The following HDAC2 variants were observed in gnomAD, a reference collection of about 807,000 sequenced individuals.
HDAC2 encodes YY1-associated factor 1.
A neutral mutation model predicts 68.5 loss-of-function variants in HDAC2; 5 were observed. The observed-to-expected ratio is 0.07, with a 90% CI of 0.04 to 0.15. HDAC2 has a LOEUF of 0.15. Ranked by LOEUF, HDAC2 falls within the 10% of genes least tolerant of loss-of-function variation. HDAC2 has a pLI of 1.00. For missense variants in HDAC2, 291 were observed against 600.8 expected (o/e 0.48, Z 5.39); for synonymous variants, 182 against 191.3 (o/e 0.95, Z 0.40).
rs749048358 is a variant in HDAC2 at position 113,941,675 on chromosome 6, T to C, written c.1436+33A>G. The C allele has an allele frequency of 4.1e-4, 370 of 899,404 alleles. 4 individuals are homozygous for C. The highest frequency in any genetic ancestry group is 1.0e-4 in the Non-Finnish European group (58 of 582,898). 55.7% of individuals were successfully genotyped at this position (899,404 alleles called of 1,614,324 possible). A position where few individuals can be genotyped will look rare whatever the true frequency, so the allele number is the denominator to read the frequency against. ...AAACATGTTTAGTATTTTTATAGTA[T>C]GTAAAAAGTACTTGATAAGGAACAT... On this transcript the variant is annotated intron_variant, in intron 13 of 13. Coordinates refer to ENST00000519065, the MANE Select transcript of HDAC2 (RefSeq NM_001527.4).
intron 6 of HDAC2, among the ~76,000 whole-genome samples, chr6:113,950,580 G>A (rs1465277039): frequency 3.3e-5 from 5 of 151,480 alleles, no homozygotes; most frequent in African/African-American, 7.3e-5. Flanking sequence ...ATTTTAAGTA[G>A]AGACGGGGTT....
At chr6:113,962,081 T>A (rs1376162934) in intron 1 of HDAC2, among the ~76,000 whole-genome samples, 1 of 151,492 alleles carries the variant, frequency 6.6e-6, no homozygotes, top group Non-Finnish European at 1.5e-5. Context: ...TGAGCAAGTG[T>A]GTTTGAAAAA....
intron 1 of HDAC2, among the ~76,000 whole-genome samples, chr6:113,969,145 A>G (rs1314559380): frequency 6.6e-6 from 1 of 152,250 alleles, no homozygotes; most frequent in Non-Finnish European, 1.5e-5. Flanking sequence ...TGCAATGTAA[A>G]TCATGTTGAA....
In HDAC2 at chr6:113,961,042, C is replaced by A. The variant is rs138702225; in HGVS notation, c.53-1024G>T. 3.3e-3 allele frequency among the ~76,000 whole-genome samples: 496 copies of A among 152,106 alleles called. 2 individuals carry two copies. The highest frequency in any genetic ancestry group is 0.012 in the African/African-American group (479 of 41,520). The stretch of plus-strand genomic sequence containing the variant: ...ACATAGGTTATATGCAAATACTATA[C>A]CAGTTTATTGAAGGAACTTAAACAC... On this transcript the variant is annotated intron_variant, in intron 1 of 13. Transcript: ENST00000519065.
Position 113,971,044 on chromosome 6 carries a change from C to A in HDAC2, c.-136G>T, listed in dbSNP as rs773128136. On this transcript the variant is annotated 5_prime_UTR_variant, in exon 1 of 14. Transcript: ENST00000519065. The stretch of plus-strand genomic sequence containing the variant: ...GATAGTCCCGCGGGGAAGGGCAGGC[C>A]GGTGGGAGGAGAGGAGGGGGCGCCG... The A allele has an allele frequency of 3.8e-6, 6 of 1,569,184 alleles. No homozygotes were observed. The highest frequency in any genetic ancestry group is 2.7e-5 in the African/African-American group (2 of 74,076).
intron 5 of HDAC2, 84 bp from the exon 6 acceptor site, chr6:113,953,502 T>C (rs976397390): frequency 5.5e-6 from 4 of 727,690 alleles, no homozygotes; most frequent in African/African-American, 5.3e-5. Flanking sequence ...AAACCCATTT[T>C]TGAGCTCTTG....
At chr6:113,948,529 T>A (rs1325534971) in intron 8 of HDAC2, 1 of 154,168 alleles carries the variant, frequency 6.5e-6, no homozygotes, top group South Asian at 2.0e-4. Context: ...AGCTGAAAAG[T>A]GTTTAAAGAT....
chr6:113,958,067 G>C (rs1489946820), intron 3 of HDAC2, among the ~76,000 whole-genome samples: 1 of 152,128 alleles, frequency 6.6e-6, no homozygotes, highest in Non-Finnish European at 1.5e-5. Context: ...ACACTAATGA[G>C]AATGAACTTT....
intron 5 of HDAC2, 137 bp downstream of exon 5, chr6:113,955,876 T>C: frequency 1.6e-6 from 1 of 611,592 alleles, no homozygotes; most frequent in Non-Finnish European, 2.6e-6. Context: ...TGTTTTGTAA[T>C]GAATTCATAG....
chr6:113,970,499 G>C, intron 1 of HDAC2: 1 of 1,141,036 alleles, frequency 8.8e-7, no homozygotes, highest in African/African-American at 1.6e-5. Flanking sequence ...CACGAATGGT[G>C]GGCGGGAGAA....
At chr6:113,947,414 G>A (rs1486394117) in intron 8 of HDAC2, 1 of 152,174 alleles carries the variant, frequency 6.6e-6, no homozygotes. Context: ...TGGCAGCAGA[G>A]AAACTCAGAA....
chr6:113,970,508 A>C, intron 1 of HDAC2: 1 of 1,154,582 alleles, frequency 8.7e-7, no homozygotes, highest in Non-Finnish European at 1.1e-6. Flanking sequence ...TGGGCGGGAG[A>C]AGGGAGAGAA....
At chr6:113,951,103 T>C (rs1179878446) in intron 6 of HDAC2, among the ~76,000 whole-genome samples, 2 of 152,242 alleles carry the variant, frequency 1.3e-5, no homozygotes, top group African/African-American at 4.8e-5. Flanking sequence ...TCATCCTAAC[T>C]GCTACTAACT....
chr6:113,962,918 CGT>C (rs1776721945), intron 1 of HDAC2, among the ~76,000 whole-genome samples: 1 of 143,508 alleles, frequency 7.0e-6, no homozygotes, highest in African/African-American at 2.6e-5. Flanking sequence ...GAGCCGAGAT[CGT>C]GCCACTGCAC....
intron 5 of HDAC2, among the ~76,000 whole-genome samples, chr6:113,954,162 C>G (rs1048255564): frequency 7.2e-5 from 11 of 152,184 alleles, no homozygotes; most frequent in Non-Finnish European, 1.5e-4. Flanking sequence ...CCAGTGTATA[C>G]TCATGTCAAA....
At chr6:113,965,462 G>A (rs945696716) in intron 1 of HDAC2, among the ~76,000 whole-genome samples, 6 of 151,468 alleles carry the variant, frequency 4.0e-5, no homozygotes, top group Non-Finnish European at 4.4e-5. Context: ...TCTGCCTCCC[G>A]GGTTCAAGCG....
At chr6:113,965,292 G>C (rs77838525) in intron 1 of HDAC2, among the ~76,000 whole-genome samples, 12,876 of 151,852 alleles carry the variant, frequency 0.085, 700 homozygotes, top group East Asian at 0.28. Flanking sequence ...TCTTTTTAAG[G>C]CTGGCCCATT....
rs1213402030 is a variant in HDAC2, at chr6:113,940,008, T to C, written c.*1050A>G. On this transcript the variant is annotated 3_prime_UTR_variant, in exon 14 of 14. Transcript: ENST00000519065. ...GACAAAAAGGGAGATTTCACTGATT[T>C]TGGCAAGTTCCTAAAATGTTTTGTC... is the stretch of plus-strand genomic sequence containing the variant. The C allele has an allele frequency of 6.6e-6, 1 of 152,234 alleles. No homozygotes were observed. The highest frequency in any genetic ancestry group is 1.9e-4 in the East Asian group (1 of 5,206). 9.4% of individuals were successfully genotyped at this position (152,234 alleles called of 1,614,324 possible).
In HDAC2 at chr6:113,955,994, T is replaced by G; in HGVS notation, c.497+19A>C. 6.4e-7 allele frequency: 1 copy of G among 1,555,826 alleles called. No individual in the cohort carries two copies. The highest frequency in any genetic ancestry group is 8.7e-7 in the Non-Finnish European group (1 of 1,143,168). ...AAACACTTTATCACTGAAAAGAGTATCAATATAAATTAACATACTTTAGTA... is the reference window on the plus strand; with the variant it reads ...AAACACTTTATCACTGAAAAGAGTAGCAATATAAATTAACATACTTTAGTA... On this transcript the variant is annotated intron_variant, in intron 5 of 13. Transcript: ENST00000519065.
Sources: allele counts gnomAD v4.1 joint callset (sites outside exome capture counted in the v4.1 genomes callset), GRCh38; gene constraint gnomAD v4.1.1; transcripts MANE v1.5; gene names NCBI Gene and HGNC (gene_info 2026-07-23, HGNC 2026-07-21).